COL4A6: variants seen among roughly 807,000 people sequenced by gnomAD.
COL4A6 encodes collagen alpha-6(IV) chain.
In COL4A6, 59 loss-of-function variants were observed where a neutral mutation model predicts 126.7. That is an observed-to-expected ratio of 0.47 (90% CI 0.38 to 0.58). COL4A6 has a LOEUF of 0.58. Among genes scored for constraint, COL4A6 ranks in the 20% least tolerant of loss-of-function variants. The pLI, the probability that COL4A6 is intolerant of heterozygous loss-of-function variation, is 0.00. For synonymous variants in COL4A6, 547 were observed against 496.6 expected (o/e 1.10, Z -1.35); for missense variants, 1,285 against 1,337.3 (o/e 0.96, Z 0.61).
intron 3 of COL4A6, among the ~76,000 whole-genome samples, chrX:108,292,995 A>G (rs2038209359): frequency 2.2e-4 from 1 of 4,558 alleles, no homozygotes; most frequent in African/African-American, 4.8e-4. Flanking sequence ...GAAAAAAGCA[A>G]AAAAAAAAAA....
intron 8 of COL4A6, among the ~76,000 whole-genome samples, chrX:108,209,376 A>C (rs907780431): frequency 8.9e-6 from 1 of 111,902 alleles, no homozygotes; most frequent in Non-Finnish European, 1.9e-5. Context: ...CTGTGTCTAC[A>C]TTGTCTCAGA....
intron 2 of COL4A6, among the ~76,000 whole-genome samples, chrX:108,392,828 C>T (rs1014997911): frequency 2.7e-5 from 3 of 111,735 alleles, no homozygotes; most frequent in African/African-American, 9.8e-5. Context: ...AAAGTGGGCC[C>T]TCATCACACA....
chrX:108,384,064 C>T, intron 2 of COL4A6: 1 of 397,097 alleles, frequency 2.5e-6, no homozygotes, highest in Non-Finnish European at 4.1e-6. Context: ...TGCATTCATT[C>T]ATCCAGTTAC....
At chrX:108,202,887 T>A in intron 13 of COL4A6, 41 bp downstream of exon 13, 1 of 1,125,523 alleles carries the variant, frequency 8.9e-7, no homozygotes, top group South Asian at 1.8e-5. Context: ...TTTTGTCCAA[T>A]CAGACCCTTG....
intron 3 of COL4A6, among the ~76,000 whole-genome samples, chrX:108,276,059 T>A (rs939453912): frequency 1.8e-5 from 2 of 112,795 alleles, no homozygotes; most frequent in Admixed American, 1.9e-4. Flanking sequence ...TAGTTCCAAG[T>A]GAGGAAATTT....
intron 2 of COL4A6, among the ~76,000 whole-genome samples, chrX:108,342,452 C>T (rs150339420): frequency 8.9e-6 from 1 of 111,753 alleles, no homozygotes; most frequent in Non-Finnish European, 1.9e-5. Flanking sequence ...CCCAAGTGGG[C>T]AAAGCTTAGG....
At chrX:108,183,614 C>T (rs1230820519) in intron 23 of COL4A6, 18 of 472,103 alleles carry the variant, frequency 3.8e-5, no homozygotes, top group Non-Finnish European at 5.4e-5. Flanking sequence ...AACAGGGCAT[C>T]CAGTGTGGTG....
At chrX:108,408,791 G>A (rs1423893355) in intron 2 of COL4A6, among the ~76,000 whole-genome samples, 2 of 110,375 alleles carry the variant, frequency 1.8e-5, no homozygotes, top group African/African-American at 3.3e-5. Context: ...GAGAAACCCC[G>A]TCCCTACTAA....
At chrX:108,408,372 A>C (rs749863910) in intron 2 of COL4A6, among the ~76,000 whole-genome samples, 1 of 109,744 alleles carries the variant, frequency 9.1e-6, no homozygotes, top group East Asian at 2.9e-4. Context: ...AAAGAACGAA[A>C]GAAAGAAAGA....
intron 2 of COL4A6, among the ~76,000 whole-genome samples, chrX:108,330,893 A>T (rs1388179918): frequency 1.8e-5 from 2 of 111,664 alleles, no homozygotes; most frequent in Non-Finnish European, 3.8e-5. Flanking sequence ...TATTGAGTAG[A>T]TGTAACAAAC....
chrX:108,281,837 C>T lies in COL4A6; in HGVS notation c.144+28911G>A, dbSNP rs186451657. Among the ~76,000 whole-genome samples the T allele has an allele frequency of 1.9e-3, 207 of 110,585 alleles. 1 individual carries two copies. Among genetic ancestry groups the T allele is most frequent in the African/African-American group, 6.4e-3 (195 of 30,457 alleles). On this transcript the variant is annotated intron_variant, in intron 3 of 44. Transcript: ENST00000334504. ...AACACAACAGAGCCCTCAGAAATAA[C>T]GCCGCATGTCTACAACTATCTGATC...
At chrX:108,415,737 A>G (rs1416763402) in intron 2 of COL4A6, among the ~76,000 whole-genome samples, 1 of 112,383 alleles carries the variant, frequency 8.9e-6, no homozygotes, top group Admixed American at 9.4e-5. Context: ...AACTCTTACT[A>G]TGAATTATTC....
intron 3 of COL4A6, among the ~76,000 whole-genome samples, chrX:108,267,214 C>G (rs1331528671): frequency 8.9e-6 from 1 of 112,157 alleles, no homozygotes; most frequent in Non-Finnish European, 1.9e-5. Flanking sequence ...TTCTGACACA[C>G]TGTCTTCAGC....
In COL4A6 at chrX:108,370,451, A is replaced by G. The variant is rs141441788; in HGVS notation, c.64-59623T>C. ...TCCCTGTCATATCATGTCCTACCAT[A>G]TACCTTAATCAACTCTCTCATCAAT... On this transcript the variant is annotated intron_variant, in intron 2 of 44. Coordinates refer to ENST00000334504, the MANE Select transcript of COL4A6 (RefSeq NM_033641.4). Among the ~76,000 whole-genome samples the G allele has an allele frequency of 5.6e-3, 627 of 111,533 alleles. 4 individuals are homozygous for G. The highest frequency in any genetic ancestry group is 0.02 in the African/African-American group (611 of 30,698).
Position 108,156,641 on chromosome X carries a change from C to CTGAT in COL4A6, c.*355_*358dup, listed in dbSNP as rs1163433823. ...CTGACCTCTGTACATGAAGAAATGA[C>CTGAT]TGATTAGCGATTAGGAAGAGCTTTC... On this transcript the variant is annotated 3_prime_UTR_variant, in exon 45 of 45. Coordinates refer to ENST00000334504, the MANE Select transcript of COL4A6 (RefSeq NM_033641.4). The CTGAT allele has an allele frequency of 4.1e-6, 1 of 242,115 alleles. No homozygotes were observed. The highest frequency in any genetic ancestry group is 7.4e-6 in the Non-Finnish European group (1 of 135,978). 20.0% of individuals were successfully genotyped at this position (242,115 alleles called of 1,213,427 possible). A position where few individuals can be genotyped will look rare whatever the true frequency, so the allele number is the denominator to read the frequency against.
chrX:108,287,042 T>C (rs771374082), intron 3 of COL4A6, among the ~76,000 whole-genome samples: 1 of 111,691 alleles, frequency 9.0e-6, no homozygotes, highest in South Asian at 3.9e-4. Context: ...TCTGGGTCCC[T>C]GATGATCATG....
At chrX:108,213,874 C>T in intron 6 of COL4A6, 1 of 338,518 alleles carries the variant, frequency 3.0e-6, no homozygotes, top group Non-Finnish European at 5.0e-6. Flanking sequence ...GCCAATTTCA[C>T]AAGCTGCATT....
At chrX:108,423,188 A>T in intron 2 of COL4A6, among the ~76,000 whole-genome samples, 1 of 112,050 alleles carries the variant, frequency 8.9e-6, no homozygotes, top group East Asian at 2.8e-4. Context: ...AACACATAGA[A>T]AATTTACAAG....
At chrX:108,252,329 C>A (rs1245604047) in intron 3 of COL4A6, among the ~76,000 whole-genome samples, 2 of 111,887 alleles carry the variant, frequency 1.8e-5, no homozygotes, top group African/African-American at 3.2e-5. Flanking sequence ...TTTTTTATGG[C>A]TGAATAATAT....
Sources: allele counts gnomAD v4.1 joint callset (sites outside exome capture counted in the v4.1 genomes callset), GRCh38; gene constraint gnomAD v4.1.1; transcripts MANE v1.5; gene names NCBI Gene and HGNC (gene_info 2026-07-23, HGNC 2026-07-21).